Variants in XKR4 observed in about 807,000 individuals in gnomAD.
The protein encoded by XKR4 is XK related 4, also known as XK-related protein 4.
In XKR4, 12 loss-of-function variants were observed where a neutral mutation model predicts 53.9. The ratio of observed to expected loss-of-function variants is 0.22; its 90% CI spans 0.14 to 0.36. The LOEUF is 0.36. XKR4 is among the 10% of genes least tolerant of loss of function. XKR4 has a pLI of 1.00. For synonymous variants in XKR4, 354 were observed against 362.4 expected, an observed-to-expected ratio of 0.98 and a Z score of 0.26; for missense variants, 799 against 859.5, an observed-to-expected ratio of 0.93 and a Z score of 0.88.
chr8:55,231,828 A>C (rs1231054860), intron 1 of XKR4, among the ~76,000 whole-genome samples: 1 of 152,038 alleles, frequency 6.6e-6, no homozygotes, highest in African/African-American at 2.4e-5. Flanking sequence ...TGTAAACTCC[A>C]CTCCAGTCTC....
At chr8:55,228,049 G>A (rs1411277034) in intron 1 of XKR4, among the ~76,000 whole-genome samples, 1 of 152,168 alleles carries the variant, frequency 6.6e-6, no homozygotes, top group Non-Finnish European at 1.5e-5. Flanking sequence ...TGGGATTACG[G>A]ACACGCACCA....
chr8:55,359,351 C>T lies in XKR4; in HGVS notation c.1006+1474C>T, dbSNP rs73589722. 2.5e-3 allele frequency among the ~76,000 whole-genome samples: 374 copies of T among 152,238 alleles called. 2 individuals carry two copies. The highest frequency in any genetic ancestry group is 8.3e-3 in the African/African-American group (345 of 41,538). ...CCCCAGGTTGCTCAAATGTAAAGGT[C>T]GCAAGTTAAACTGGATGATTTCCAA... On this transcript the variant is annotated intron_variant, in intron 2 of 2. Coordinates refer to ENST00000327381, the MANE Select transcript of XKR4 (RefSeq NM_052898.2).
At chr8:55,461,987 T>C (rs1446069870) in intron 2 of XKR4, among the ~76,000 whole-genome samples, 1 of 152,020 alleles carries the variant, frequency 6.6e-6, no homozygotes, top group African/African-American at 2.4e-5. Context: ...AAAGACCTAA[T>C]CTACATCTAC....
intron 1 of XKR4, among the ~76,000 whole-genome samples, chr8:55,114,160 A>C (rs2129351266): frequency 6.6e-6 from 1 of 152,266 alleles, no homozygotes; most frequent in Middle Eastern, 3.4e-3. Flanking sequence ...ACTGCTTTCC[A>C]CAATGTTTGA....
intron 1 of XKR4, among the ~76,000 whole-genome samples, chr8:55,322,931 G>C (rs759412980): frequency 3.7e-4 from 56 of 152,058 alleles, no homozygotes; most frequent in Non-Finnish European, 5.4e-4. Flanking sequence ...CCCGTATGTT[G>C]TTGAATAAAT....
chr8:55,162,681 G>C lies in XKR4; in HGVS notation c.806+59387G>C, dbSNP rs572142190. Among the ~76,000 whole-genome samples the C allele has an allele frequency of 1.3e-3, 198 of 152,226 alleles. 1 individual carries two copies. The highest frequency in any genetic ancestry group is 2.2e-3 in the Non-Finnish European group (147 of 68,006). On this transcript the variant is annotated intron_variant, in intron 1 of 2. Coordinates refer to ENST00000327381, the MANE Select transcript of XKR4 (RefSeq NM_052898.2). ...AAGTCCCTCCTTGAAAACAAGGTAAGCACACAGAAAGCATAGTCAGTGTTG... is the reference window on the plus strand; with the variant it reads ...AAGTCCCTCCTTGAAAACAAGGTAACCACACAGAAAGCATAGTCAGTGTTG...
chr8:55,310,509 A>G (rs1433189105), intron 1 of XKR4, among the ~76,000 whole-genome samples: 1 of 152,224 alleles, frequency 6.6e-6, no homozygotes, highest in Non-Finnish European at 1.5e-5. Flanking sequence ...TAAAATGGGA[A>G]GATCTAAAGA....
chr8:55,277,193 C>G (rs1054634819), intron 1 of XKR4, among the ~76,000 whole-genome samples: 3 of 152,124 alleles, frequency 2.0e-5, no homozygotes, highest in African/African-American at 7.2e-5. Context: ...AGACCCTGTT[C>G]AATTATGTGC....
At chr8:55,231,105 G>C (rs570189445) in intron 1 of XKR4, among the ~76,000 whole-genome samples, 1 of 152,280 alleles carries the variant, frequency 6.6e-6, no homozygotes, top group Admixed American at 6.5e-5. Flanking sequence ...GCTAAAGTCT[G>C]TATTCAAATT....
chr8:55,425,253 G>A (rs966325659), intron 2 of XKR4, among the ~76,000 whole-genome samples: 1 of 152,154 alleles, frequency 6.6e-6, no homozygotes, highest in African/African-American at 2.4e-5. Flanking sequence ...CTAGAGTTAG[G>A]TCTTCCATGA....
intron 2 of XKR4, among the ~76,000 whole-genome samples, chr8:55,449,190 G>A (rs1805386888): frequency 7.1e-6 from 1 of 139,984 alleles, no homozygotes; most frequent in African/African-American, 2.6e-5. Context: ...ATTTTATTTT[G>A]CATTCATTCT....
chr8:55,141,332 C>T (rs1816698795), intron 1 of XKR4, among the ~76,000 whole-genome samples: 1 of 152,142 alleles, frequency 6.6e-6, no homozygotes. Context: ...CCCCTGTGTC[C>T]TGTCCCTCCC....
chr8:55,491,192 T>G (rs999195125), intron 2 of XKR4, among the ~76,000 whole-genome samples: 6 of 152,248 alleles, frequency 3.9e-5, no homozygotes, highest in African/African-American at 1.2e-4. Flanking sequence ...ATTTTATATC[T>G]TTTCTTTCCT....
At chr8:55,499,117 CAGAA>C (rs1806399415) in intron 2 of XKR4, among the ~76,000 whole-genome samples, 2 of 152,124 alleles carry the variant, frequency 1.3e-5, no homozygotes, top group Admixed American at 1.3e-4. Flanking sequence ...CTTCAGAATC[CAGAA>C]AGAATGTCGA....
intron 1 of XKR4, among the ~76,000 whole-genome samples, chr8:55,234,833 G>A (rs1051681737): frequency 6.6e-6 from 1 of 152,176 alleles, no homozygotes; most frequent in Non-Finnish European, 1.5e-5. Context: ...TCAGGACATA[G>A]CGCAGACCCC....
chr8:55,420,262 C>A (rs1804905613), intron 2 of XKR4, among the ~76,000 whole-genome samples: 1 of 152,058 alleles, frequency 6.6e-6, no homozygotes, highest in African/African-American at 2.4e-5. Flanking sequence ...AAACAAATAT[C>A]CAGAAAGATG....
chr8:55,528,812 A>G lies in XKR4; in HGVS notation c.*4585A>G, dbSNP rs1243279485. 6.6e-6 allele frequency: 1 copy of G among 151,952 alleles called. No homozygotes were observed. The highest frequency in any genetic ancestry group is 1.5e-5 in the Non-Finnish European group (1 of 68,004). 9.4% of individuals were successfully genotyped at this position (151,952 alleles called of 1,614,324 possible). A position where few individuals can be genotyped will look rare whatever the true frequency, so the allele number is the denominator to read the frequency against. ...TCGCTTGTGTCAGCTTCTGACTCATAACACTCCTCCCACCTGATGCTCCAG... is the reference window on the plus strand; with the variant it reads ...TCGCTTGTGTCAGCTTCTGACTCATGACACTCCTCCCACCTGATGCTCCAG... On this transcript the variant is annotated 3_prime_UTR_variant, in exon 3 of 3. Coordinates refer to ENST00000327381, the MANE Select transcript of XKR4 (RefSeq NM_052898.2).
chr8:55,288,085 T>C (rs1393443185), intron 1 of XKR4, among the ~76,000 whole-genome samples: 2 of 152,184 alleles, frequency 1.3e-5, no homozygotes, highest in Admixed American at 1.3e-4. Flanking sequence ...TTAGTGTTAG[T>C]GTATTTTATA....
chr8:55,107,685 A>C (rs1816169095), intron 1 of XKR4, among the ~76,000 whole-genome samples: 1 of 152,192 alleles, frequency 6.6e-6, no homozygotes, highest in Non-Finnish European at 1.5e-5. Flanking sequence ...AATGATAAAG[A>C]GGTTCTAGAG....
Sources: allele counts gnomAD v4.1 joint callset (sites outside exome capture counted in the v4.1 genomes callset), GRCh38; gene constraint gnomAD v4.1.1; transcripts MANE v1.5; gene names NCBI Gene and HGNC (gene_info 2026-07-23, HGNC 2026-07-21).